Variants in TMEM272 observed in about 807,000 individuals in gnomAD.
The protein encoded by TMEM272 is transmembrane protein 272, also known as long intergenic non-protein coding RNA 282.
TMEM272 carries 8 observed loss-of-function variants against 3.7 expected under a neutral mutation model. The ratio of observed to expected loss-of-function variants is 2.17; its 90% CI spans 1.27 to 3.91. TMEM272 has a LOEUF of 3.91. Among genes scored for constraint, TMEM272 ranks in the 30% most tolerant of loss-of-function variants. TMEM272 has a pLI of 0.00. For missense variants in TMEM272, 166 were observed against 91.5 expected (o/e 1.81, Z -3.32); for synonymous variants, 63 against 39.8 (o/e 1.58, Z -2.20).
At chr13:51,894,902 T>G in the TMEM272 span, among the ~76,000 whole-genome samples, 1 of 151,950 alleles carries the variant, frequency 6.6e-6, no homozygotes, top group Non-Finnish European at 1.5e-5. Context: ...TGCAACTAGA[T>G]GGTCCCATCT....
Position 51,838,547 on chromosome 13 carries a change from C to G in TMEM272, c.-17G>C. The G allele has an allele frequency of 1.4e-6, 1 of 703,028 alleles. No individual in the cohort carries two copies. The highest frequency in any genetic ancestry group is 1.5e-5 in the South Asian group (1 of 67,608). The allele number at this position is 703,028 out of a possible 1,614,324, so 43.5% of individuals were successfully genotyped here. On this transcript the variant is annotated 5_prime_UTR_variant, in exon 2 of 5. Transcript: ENST00000629372. ...TCCTGGCATTGTTCTTGCTCGCTGA[C>G]AAAGTTCTGAGGATCAAAAATAATT...
the TMEM272 span, among the ~76,000 whole-genome samples, chr13:51,894,324 C>T: frequency 6.6e-6 from 1 of 152,204 alleles, no homozygotes; most frequent in African/African-American, 2.4e-5. Context: ...TACAGACACT[C>T]TTTCTTTGTG....
intron 1 of TMEM272, 138 bp from the exon 2 acceptor site, chr13:51,838,691 G>T (rs1385046932): frequency 1.5e-6 from 1 of 668,378 alleles, no homozygotes; most frequent in African/African-American, 1.8e-5. Flanking sequence ...GCCAGTGTCA[G>T]GTGTGGCCTT....
chr13:51,845,198 G>A (rs1207502743), upstream of TMEM272: 1 of 152,288 alleles, frequency 6.6e-6, no homozygotes, highest in Non-Finnish European at 1.5e-5. Flanking sequence ...CTAAGGGGCG[G>A]GTTCTCTCCA....
At chr13:51,931,442 G>A in the TMEM272 span, among the ~76,000 whole-genome samples, 3 of 150,952 alleles carry the variant, frequency 2.0e-5, no homozygotes, top group Non-Finnish European at 4.4e-5. Flanking sequence ...TGAACAATGA[G>A]AACACATGGA....
chr13:51,877,865 C>T, the TMEM272 span, among the ~76,000 whole-genome samples: 2 of 152,148 alleles, frequency 1.3e-5, no homozygotes, highest in East Asian at 3.8e-4. Flanking sequence ...AAAATTTATA[C>T]TTAGGCCTCT....
At chr13:51,927,996 C>T in the TMEM272 span, among the ~76,000 whole-genome samples, 2 of 152,264 alleles carry the variant, frequency 1.3e-5, no homozygotes, top group South Asian at 4.2e-4. Flanking sequence ...GCCCCAACTC[C>T]AAAGCCAGTG....
the TMEM272 span, among the ~76,000 whole-genome samples, chr13:51,892,557 G>T: frequency 6.6e-6 from 1 of 152,144 alleles, no homozygotes; most frequent in Non-Finnish European, 1.5e-5. Context: ...GGGAAACTTG[G>T]TAATACACCA....
the TMEM272 span, among the ~76,000 whole-genome samples, chr13:51,877,475 A>G: frequency 6.6e-6 from 1 of 152,220 alleles, no homozygotes; most frequent in African/African-American, 2.4e-5. Context: ...CTATGTATTA[A>G]TAATTGAACA....
upstream of TMEM272, among the ~76,000 whole-genome samples, chr13:51,847,587 A>C (rs1173340053): frequency 6.6e-6 from 1 of 152,198 alleles, no homozygotes; most frequent in Non-Finnish European, 1.5e-5. Context: ...CACATTTCTC[A>C]GAACATATAC....
At chr13:51,891,285 G>A in the TMEM272 span, among the ~76,000 whole-genome samples, 15 of 152,130 alleles carry the variant, frequency 9.9e-5, no homozygotes, top group South Asian at 1.9e-3. Flanking sequence ...AGAGCTTATA[G>A]TTTACAAATC....
At chr13:51,836,802 G>C (rs1401360402) in intron 2 of TMEM272, among the ~76,000 whole-genome samples, 4 of 152,050 alleles carry the variant, frequency 2.6e-5, no homozygotes, top group African/African-American at 9.7e-5. Flanking sequence ...ATGTTGGAAG[G>C]CCCAGGGGGA....
At chr13:51,865,842 C>A in the TMEM272 span, 1 of 1,613,948 alleles carries the variant, frequency 6.2e-7, no homozygotes, top group Non-Finnish European at 8.5e-7. Context: ...GAGGACAAGG[C>A]CCTGTGGGAG....
the TMEM272 span, chr13:51,909,849 T>C: frequency 1.3e-6 from 2 of 1,591,612 alleles, no homozygotes; most frequent in Admixed American, 1.7e-5. Context: ...TTCTTTATCA[T>C]TTAGAACTTG....
the TMEM272 span, among the ~76,000 whole-genome samples, chr13:51,874,104 C>T: frequency 6.6e-6 from 1 of 152,178 alleles, no homozygotes; most frequent in East Asian, 1.9e-4. Context: ...TTTAGAAGAG[C>T]AGGAACAGAG....
chr13:51,824,894 G>A (rs997798483), intron 3 of TMEM272, among the ~76,000 whole-genome samples: 2 of 152,162 alleles, frequency 1.3e-5, no homozygotes, highest in African/African-American at 4.8e-5. Flanking sequence ...CAGAGGGTGC[G>A]GTGAGCCGAG....
the TMEM272 span, among the ~76,000 whole-genome samples, chr13:51,900,720 T>C: frequency 6.6e-6 from 1 of 152,162 alleles, no homozygotes; most frequent in East Asian, 1.9e-4. Context: ...CAAGTATCCA[T>C]CAACGAATGA....
the TMEM272 span, among the ~76,000 whole-genome samples, chr13:51,858,222 G>C: frequency 6.6e-6 from 1 of 152,136 alleles, no homozygotes; most frequent in Non-Finnish European, 1.5e-5. Context: ...GAACAACATA[G>C]GTAAAGACTC....
the TMEM272 span, among the ~76,000 whole-genome samples, chr13:51,897,639 G>A: frequency 6.6e-6 from 1 of 151,936 alleles, no homozygotes; most frequent in Non-Finnish European, 1.5e-5. Context: ...AAGATAACTA[G>A]AACAAGGCTG....
Sources: gnomAD v4.1 joint callset for allele counts (sites outside exome capture counted in the v4.1 genomes callset) on GRCh38, gnomAD v4.1.1 for gene constraint, MANE v1.5 for transcripts, NCBI Gene and HGNC (gene_info 2026-07-23, HGNC 2026-07-21) for gene names.